The following PITPNC1 variants were observed in gnomAD, a reference collection of about 807,000 sequenced individuals.
PITPNC1 encodes the protein phosphatidylinositol transfer protein cytoplasmic 1.
PITPNC1 carries 18 observed loss-of-function variants against 44.7 expected under a neutral mutation model. The ratio of observed to expected loss-of-function variants is 0.40; its 90% CI spans 0.28 to 0.60. PITPNC1 has a LOEUF of 0.60. Among genes scored for constraint, PITPNC1 ranks in the 20% least tolerant of loss-of-function variants. The probability of loss-of-function intolerance (pLI) is 0.39; values close to 1 mark genes in which losing one functional copy is unlikely to be tolerated. For synonymous variants in PITPNC1, 141 were observed against 149.6 expected (o/e 0.94, Z 0.42); for missense variants, 290 against 418.4 (o/e 0.69, Z 2.68).
chr17:67,605,194 A>G (rs2144281243), intron 5 of PITPNC1, among the ~76,000 whole-genome samples: 1 of 152,334 alleles, frequency 6.6e-6, no homozygotes, highest in Non-Finnish European at 1.5e-5. Context: ...CTAGAGCCCT[A>G]TGTCTGAATA....
intron 1 of PITPNC1, among the ~76,000 whole-genome samples, chr17:67,529,445 T>C (rs1376974668): frequency 1.3e-5 from 2 of 152,222 alleles, no homozygotes; most frequent in Non-Finnish European, 2.9e-5. Flanking sequence ...GGATCGGTGC[T>C]TTTGTTTAAA....
At chr17:67,388,028 A>G (rs746382744) in intron 1 of PITPNC1, among the ~76,000 whole-genome samples, 3 of 152,230 alleles carry the variant, frequency 2.0e-5, no homozygotes, top group Non-Finnish European at 2.9e-5. Context: ...GTCCACACAT[A>G]GTAAATACTT....
chr17:67,660,500 A>ATATTT (rs573834067), intron 6 of PITPNC1, among the ~76,000 whole-genome samples: 19 of 149,312 alleles, frequency 1.3e-4, no homozygotes, highest in African/African-American at 2.2e-4. Flanking sequence ...TGTATCATAT[A>ATATTT]TATTTTATTT....
At chr17:67,498,292 C>T (rs934359294) in intron 1 of PITPNC1, among the ~76,000 whole-genome samples, 5 of 150,862 alleles carry the variant, frequency 3.3e-5, no homozygotes, top group Non-Finnish European at 7.4e-5. Context: ...TATATATTAG[C>T]AATATTAATC....
At chr17:67,607,450 C>T in intron 5 of PITPNC1, among the ~76,000 whole-genome samples, 1 of 152,246 alleles carries the variant, frequency 6.6e-6, no homozygotes, top group Admixed American at 6.5e-5. Flanking sequence ...CTGTTGTAAG[C>T]AACTCTCAGA....
At chr17:67,531,379 C>G (rs548860040) in intron 1 of PITPNC1, among the ~76,000 whole-genome samples, 1 of 152,324 alleles carries the variant, frequency 6.6e-6, no homozygotes, top group African/African-American at 2.4e-5. Flanking sequence ...ACGTTAAAAG[C>G]GTTTTCATGT....
intron 1 of PITPNC1, among the ~76,000 whole-genome samples, chr17:67,510,373 C>G (rs2040167783): frequency 6.6e-6 from 1 of 152,216 alleles, no homozygotes; most frequent in African/African-American, 2.4e-5. Context: ...ATCCCTGCGT[C>G]CAGAGCTGAT....
At chr17:67,634,909 C>T (rs2042015654) in intron 6 of PITPNC1, among the ~76,000 whole-genome samples, 1 of 152,056 alleles carries the variant, frequency 6.6e-6, no homozygotes, top group African/African-American at 2.4e-5. Flanking sequence ...AAAAATTGCC[C>T]GGGCATGGTG....
At position 67,660,426 on chromosome 17, in the gene PITPNC1, T is replaced by C. The variant is rs78116441; in HGVS notation, c.463-9082T>C. ...ATGCTCCTTTGACTGCCTTGGGAAA[T>C]GCAATAATGGCTAACATCAATTGAG... On this transcript the variant is annotated intron_variant, in intron 6 of 8. Transcript: ENST00000581322. Among the ~76,000 whole-genome samples, 1,478 of 152,296 alleles carry C rather than the reference T, an allele frequency of 9.7e-3. 31 individuals carry two copies. The highest frequency in any genetic ancestry group is 0.034 in the African/African-American group (1,408 of 41,552).
At chr17:67,607,191 G>A (rs1280033493) in intron 5 of PITPNC1, among the ~76,000 whole-genome samples, 1 of 152,220 alleles carries the variant, frequency 6.6e-6, no homozygotes, top group Non-Finnish European at 1.5e-5. Flanking sequence ...CTGGCAGAGC[G>A]TCGTTCCAGC....
intron 2 of PITPNC1, among the ~76,000 whole-genome samples, chr17:67,548,532 A>C (rs1156990521): frequency 8.5e-5 from 13 of 152,194 alleles, no homozygotes. Flanking sequence ...TGGAGGTTGC[A>C]GTGAGCCGAG....
chr17:67,595,358 G>A (rs1026533254), intron 5 of PITPNC1, among the ~76,000 whole-genome samples: 6 of 151,988 alleles, frequency 3.9e-5, no homozygotes, highest in Non-Finnish European at 8.8e-5. Flanking sequence ...GACATCCAGA[G>A]CCATCATCTT....
chr17:67,465,874 G>T (rs920289602), intron 1 of PITPNC1, among the ~76,000 whole-genome samples: 1 of 152,072 alleles, frequency 6.6e-6, no homozygotes, highest in African/African-American at 2.4e-5. Flanking sequence ...TGTATGGGAT[G>T]GGGGCTAGAG....
intron 5 of PITPNC1, among the ~76,000 whole-genome samples, chr17:67,621,709 C>T (rs1040909986): frequency 6.6e-6 from 1 of 152,120 alleles, no homozygotes; most frequent in Non-Finnish European, 1.5e-5. Flanking sequence ...GGTGGGCATT[C>T]GGCCTCTTCA....
chr17:67,689,501 A>G (rs1028963591), intron 8 of PITPNC1, among the ~76,000 whole-genome samples: 1 of 152,246 alleles, frequency 6.6e-6, no homozygotes, highest in African/African-American at 2.4e-5. Flanking sequence ...CATAATGAAA[A>G]GCAGTGAAAA....
chr17:67,687,013 A>C (rs2042828085), intron 8 of PITPNC1: 1 of 992,366 alleles, frequency 1.0e-6, no homozygotes, highest in African/African-American at 1.6e-5. Flanking sequence ...AAGTGTCCCC[A>C]TTGAAAGTTT....
intron 5 of PITPNC1, among the ~76,000 whole-genome samples, chr17:67,618,137 G>T (rs2041783829): frequency 6.6e-6 from 1 of 152,126 alleles, no homozygotes; most frequent in Non-Finnish European, 1.5e-5. Flanking sequence ...AAGGCGGGGG[G>T]TGGATCACTT....
In PITPNC1 at chr17:67,377,865, T is replaced by A. The variant is rs2037895483; in HGVS notation, c.-290T>A. ...CACCCTGGGCAGCCGAGCAGAGTCG[T>A]CCCCAGCGGGTCTCCCTCCCTGCCT... On this transcript the variant is annotated 5_prime_UTR_variant, in exon 1 of 9. Coordinates refer to ENST00000581322, the MANE Select transcript of PITPNC1 (RefSeq NM_012417.4). 4 of 367,882 alleles carry A rather than the reference T, an allele frequency of 1.1e-5. No individual in the cohort carries two copies. Among genetic ancestry groups the A allele is most frequent in the Non-Finnish European group, 1.9e-5 (4 of 206,874 alleles). The allele number at this position is 367,882 out of a possible 1,614,324, so 22.8% of individuals were successfully genotyped here.
At chr17:67,583,321 C>T (rs2144241244) in intron 5 of PITPNC1, among the ~76,000 whole-genome samples, 1 of 152,224 alleles carries the variant, frequency 6.6e-6, no homozygotes, top group Non-Finnish European at 1.5e-5. Flanking sequence ...GGCGGGGTGG[C>T]TCACACCTGT....
Sources: gnomAD v4.1 joint callset for allele counts (sites outside exome capture counted in the v4.1 genomes callset) on GRCh38, gnomAD v4.1.1 for gene constraint, MANE v1.5 for transcripts, NCBI Gene and HGNC (gene_info 2026-07-23, HGNC 2026-07-21) for gene names.